SNTG2: variants seen among roughly 807,000 people sequenced by gnomAD.
The protein encoded by SNTG2 is syntrophin gamma 2, also known as gamma-2-syntrophin.
In SNTG2, 74 loss-of-function variants were observed where a neutral mutation model predicts 70.9. The ratio of observed to expected loss-of-function variants is 1.04; its 90% CI spans 0.86 to 1.27. The LOEUF is 1.27. Among genes scored for constraint, SNTG2 ranks in the 50% most tolerant of loss-of-function variants. The probability of loss-of-function intolerance (pLI) is 0.00; values close to 1 mark genes in which losing one functional copy is unlikely to be tolerated. For synonymous variants in SNTG2, 278 were observed against 273.8 expected, an observed-to-expected ratio of 1.02 and a Z score of -0.15; for missense variants, 717 against 690.7, an observed-to-expected ratio of 1.04 and a Z score of -0.43.
intron 1 of SNTG2, among the ~76,000 whole-genome samples, chr2:1,054,766 A>AT (rs2148090722): frequency 1.3e-5 from 2 of 152,302 alleles, no homozygotes; most frequent in African/African-American, 4.8e-5. Flanking sequence ...GTATTTTTGG[A>AT]TTTTCAAAGA....
At chr2:1,016,644 G>A (rs1659900964) in intron 1 of SNTG2, among the ~76,000 whole-genome samples, 1 of 152,232 alleles carries the variant, frequency 6.6e-6, no homozygotes, top group Non-Finnish European at 1.5e-5. Context: ...GGAAGGCTGA[G>A]ACAGGAATTT....
At position 961,253 on chromosome 2, in the gene SNTG2, C is replaced by T. The variant is rs540026672; in HGVS notation, c.72+10185C>T. ...ACGGTGTCTTGCTCTGTTACCCAGG[C>T]TGGAGTGCAGTGGCACGATCTTGGC... On this transcript the variant is annotated intron_variant, in intron 1 of 16. Coordinates refer to ENST00000308624, the MANE Select transcript of SNTG2 (RefSeq NM_018968.4). Among the ~76,000 whole-genome samples, 172 of 152,284 alleles carry T rather than the reference C, an allele frequency of 1.1e-3. 1 individual carries two copies. Among genetic ancestry groups the T allele is most frequent in the African/African-American group, 4.0e-3 (167 of 41,540 alleles).
chr2:1,225,642 C>A (rs1372638752), intron 9 of SNTG2, among the ~76,000 whole-genome samples: 1 of 152,194 alleles, frequency 6.6e-6, no homozygotes, highest in East Asian at 1.9e-4. Context: ...TTCCTGTGCA[C>A]ACTCAGTCCT....
intron 4 of SNTG2, among the ~76,000 whole-genome samples, chr2:1,130,278 T>TA (rs1667938475): frequency 6.6e-6 from 1 of 152,214 alleles, no homozygotes; most frequent in Admixed American, 6.5e-5. Context: ...ATTTTTTGCA[T>TA]AATTTTTTCT....
intron 1 of SNTG2, among the ~76,000 whole-genome samples, chr2:1,076,797 TA>T (rs565645579): frequency 6.6e-6 from 1 of 152,230 alleles, no homozygotes; most frequent in East Asian, 1.9e-4. Flanking sequence ...CAGGACTTAA[TA>T]AAAAAATTGA....
intron 1 of SNTG2, among the ~76,000 whole-genome samples, chr2:965,575 C>A (rs1402961915): frequency 1.4e-5 from 2 of 143,708 alleles, no homozygotes; most frequent in Non-Finnish European, 3.0e-5. Flanking sequence ...GTGGTCCCCT[C>A]CTCCTCTGTG....
chr2:1,306,375 G>T (rs1015850996), intron 14 of SNTG2, among the ~76,000 whole-genome samples: 2 of 152,160 alleles, frequency 1.3e-5, no homozygotes, highest in African/African-American at 4.8e-5. Flanking sequence ...GAGGGGAGAG[G>T]CAGGGACTTG....
chr2:1,326,006 T>A (rs372149725), intron 16 of SNTG2, among the ~76,000 whole-genome samples: 23 of 152,156 alleles, frequency 1.5e-4, no homozygotes, highest in African/African-American at 5.1e-4. Context: ...GCTAATTTTA[T>A]ATTTTTAGTA....
At chr2:1,231,271 T>C (rs1330621529) in intron 9 of SNTG2, among the ~76,000 whole-genome samples, 1 of 151,944 alleles carries the variant, frequency 6.6e-6, no homozygotes, top group East Asian at 1.9e-4. Flanking sequence ...GGGGGTGAAA[T>C]AGATCCAAAA....
Position 950,914 on chromosome 2 carries a change from T to C in SNTG2, c.-83T>C. The C allele has an allele frequency of 1.5e-6, 1 of 663,536 alleles. No individual in the cohort carries two copies. The highest frequency in any genetic ancestry group is 1.9e-5 in the African/African-American group (1 of 52,254). 41.1% of individuals were successfully genotyped at this position (663,536 alleles called of 1,614,324 possible). A position where few individuals can be genotyped will look rare whatever the true frequency, so the allele number is the denominator to read the frequency against. ...GGGGCGCGGGCGCGGACGCGGCGCC[T>C]GGCGGGGCCCTGGGAGGCTCGGACG... On this transcript the variant is annotated 5_prime_UTR_variant, in exon 1 of 17. Coordinates refer to ENST00000308624, the MANE Select transcript of SNTG2 (RefSeq NM_018968.4).
chr2:1,266,639 A>G (rs534171441), intron 13 of SNTG2, among the ~76,000 whole-genome samples: 12 of 151,876 alleles, frequency 7.9e-5, no homozygotes, highest in African/African-American at 2.7e-4. Flanking sequence ...GTAATTCTAT[A>G]GAGACTCGGA....
chr2:1,140,431 G>A lies in SNTG2; in HGVS notation c.411+2622G>A, dbSNP rs367897058. 1.1e-4 allele frequency among the ~76,000 whole-genome samples: 17 copies of A among 152,244 alleles called. No individual in the cohort carries two copies. In the South Asian group the frequency reaches 3.3e-3, roughly 30 times the overall value. On this transcript the variant is annotated intron_variant, in intron 6 of 16. Coordinates refer to ENST00000308624, the MANE Select transcript of SNTG2 (RefSeq NM_018968.4). ...TCAGAGAAAAAGGGAGATCGATGACGGCTGTCACTCAGTGTGACATCCCTG... is the reference window on the plus strand; with the variant it reads ...TCAGAGAAAAAGGGAGATCGATGACAGCTGTCACTCAGTGTGACATCCCTG...
At chr2:1,265,329 A>G (rs1410733171) in intron 13 of SNTG2, among the ~76,000 whole-genome samples, 1 of 152,186 alleles carries the variant, frequency 6.6e-6, no homozygotes, top group African/African-American at 2.4e-5. Flanking sequence ...ACGTATGCAC[A>G]CTACACACAT....
chr2:1,189,442 G>T (rs957463367), intron 8 of SNTG2, among the ~76,000 whole-genome samples: 1 of 152,122 alleles, frequency 6.6e-6, no homozygotes, highest in Non-Finnish European at 1.5e-5. Flanking sequence ...GCAGGAGTTG[G>T]GGGTCTTGTT....
intron 14 of SNTG2, among the ~76,000 whole-genome samples, chr2:1,272,316 C>G (rs1267419894): frequency 6.6e-6 from 1 of 151,516 alleles, no homozygotes; most frequent in East Asian, 1.9e-4. Context: ...AGATCCCTCA[C>G]AGGTGCAGTT....
intron 14 of SNTG2, among the ~76,000 whole-genome samples, chr2:1,269,503 A>C (rs371576423): frequency 5.3e-5 from 8 of 152,048 alleles, no homozygotes; most frequent in African/African-American, 1.9e-4. Context: ...CCTGGGCCAC[A>C]GAGTGAGACC....
intron 7 of SNTG2, among the ~76,000 whole-genome samples, chr2:1,172,083 A>C (rs1671164695): frequency 6.6e-6 from 1 of 152,206 alleles, no homozygotes; most frequent in African/African-American, 2.4e-5. Context: ...TCTTTCCTGC[A>C]AGAAGCCAGT....
At chr2:1,057,400 G>A (rs190005202) in intron 1 of SNTG2, among the ~76,000 whole-genome samples, 4 of 152,242 alleles carry the variant, frequency 2.6e-5, no homozygotes, top group East Asian at 1.9e-4. Context: ...AGCATATTAA[G>A]TAGTAGTAAC....
At chr2:1,016,043 A>G (rs540940882) in intron 1 of SNTG2, among the ~76,000 whole-genome samples, 1 of 152,340 alleles carries the variant, frequency 6.6e-6, no homozygotes, top group South Asian at 2.1e-4. Flanking sequence ...AATTTCATGC[A>G]ATGAAATATT....
Sources: gnomAD v4.1 joint callset for allele counts (sites outside exome capture counted in the v4.1 genomes callset) on GRCh38, gnomAD v4.1.1 for gene constraint, MANE v1.5 for transcripts, NCBI Gene and HGNC (gene_info 2026-07-23, HGNC 2026-07-21) for gene names.